BMP6: variants seen among roughly 807,000 people sequenced by gnomAD.
The protein encoded by BMP6 is bone morphogenetic protein 6.
Under a neutral mutation model 54.1 loss-of-function variants are expected in BMP6, and 17 were observed. The observed-to-expected ratio is 0.31, with a 90% CI of 0.22 to 0.47. The LOEUF (loss-of-function observed/expected upper bound fraction) is 0.47, where lower values mean the gene tolerates loss of function less well. Ranked by LOEUF, BMP6 falls within the 20% of genes least tolerant of loss-of-function variation. The pLI, the probability that BMP6 is intolerant of heterozygous loss-of-function variation, is 1.00. For missense variants in BMP6, 720 were observed against 690.4 expected, an observed-to-expected ratio of 1.04 and a Z score of -0.48; for synonymous variants, 328 against 291.2, an observed-to-expected ratio of 1.13 and a Z score of -1.28.
intron 1 of BMP6, among the ~76,000 whole-genome samples, chr6:7,765,132 G>A (rs1220921100): frequency 6.6e-6 from 1 of 152,130 alleles, no homozygotes; most frequent in African/African-American, 2.4e-5. Context: ...GACCATTCCC[G>A]AGACTTGTAG....
At chr6:7,813,108 A>AAAATATATATATAT (rs1554122651) in intron 1 of BMP6, among the ~76,000 whole-genome samples, 2 of 21,498 alleles carry the variant, frequency 9.3e-5, no homozygotes, top group Non-Finnish European at 1.5e-4. Flanking sequence ...AAAAAAAAAA[A>AAAATATATATATAT]ATATATATAT....
intron 1 of BMP6, among the ~76,000 whole-genome samples, chr6:7,830,017 T>A (rs1758769802): frequency 6.6e-6 from 1 of 152,206 alleles, no homozygotes. Context: ...CCTTTTGATC[T>A]CACATCTTCA....
At chr6:7,735,294 T>C (rs1581225550) in intron 1 of BMP6, among the ~76,000 whole-genome samples, 1 of 152,240 alleles carries the variant, frequency 6.6e-6, no homozygotes, top group East Asian at 1.9e-4. Flanking sequence ...GAAAAAAAAT[T>C]CTGATTTGTG....
chr6:7,838,923 C>G (rs1205080492), intron 1 of BMP6, among the ~76,000 whole-genome samples: 1 of 117,708 alleles, frequency 8.5e-6, no homozygotes, highest in Non-Finnish European at 1.6e-5. Flanking sequence ...GCCTGGGTGA[C>G]AGAGCGAGAC....
chr6:7,773,790 C>A (rs1373070007), intron 1 of BMP6, among the ~76,000 whole-genome samples: 4 of 152,172 alleles, frequency 2.6e-5, no homozygotes, highest in Admixed American at 2.0e-4. Context: ...GATTTCCACG[C>A]GTTTACTACC....
At chr6:7,764,723 C>T (rs1018393765) in intron 1 of BMP6, among the ~76,000 whole-genome samples, 1 of 152,176 alleles carries the variant, frequency 6.6e-6, no homozygotes, top group African/African-American at 2.4e-5. Flanking sequence ...TCAAGACGTC[C>T]TCCCATCTCA....
intron 1 of BMP6, among the ~76,000 whole-genome samples, chr6:7,754,790 T>C (rs1561760652): frequency 6.6e-6 from 1 of 152,206 alleles, no homozygotes; most frequent in East Asian, 1.9e-4. Flanking sequence ...CGATCTCGGC[T>C]CACTGCAAGC....
intron 1 of BMP6, among the ~76,000 whole-genome samples, chr6:7,836,843 C>T (rs1258257793): frequency 1.3e-5 from 2 of 152,208 alleles, no homozygotes; most frequent in African/African-American, 4.8e-5. Flanking sequence ...AGGTTATATG[C>T]TTGCAACATG....
chr6:7,848,915 T>G (rs1460882442), intron 2 of BMP6, among the ~76,000 whole-genome samples: 1 of 152,214 alleles, frequency 6.6e-6, no homozygotes, highest in Non-Finnish European at 1.5e-5. Flanking sequence ...AGGCCTTCTC[T>G]TATATTTTCT....
chr6:7,803,265 A>C (rs1263732403), intron 1 of BMP6, among the ~76,000 whole-genome samples: 1 of 152,120 alleles, frequency 6.6e-6, no homozygotes, highest in Non-Finnish European at 1.5e-5. Flanking sequence ...CAGGTTGGGG[A>C]GGGAGGTGAC....
rs182308979 is a variant in BMP6, at chr6:7,876,479, T to C, written c.1205-2595T>C. The stretch of plus-strand genomic sequence containing the variant: ...TCCGAAATTCCTATTAGAAATTTGT[T>C]GGACTTTTCATTCTCTCTTCCATGT... On this transcript the variant is annotated intron_variant, in intron 4 of 6. Transcript: ENST00000283147. 3.0e-4 allele frequency among the ~76,000 whole-genome samples: 46 copies of C among 152,348 alleles called. No individual in the cohort carries two copies. The East Asian group carries it at 6.0e-3, about 20-fold the overall frequency.
chr6:7,859,685 C>A (rs996060466), intron 2 of BMP6, among the ~76,000 whole-genome samples: 4 of 152,062 alleles, frequency 2.6e-5, no homozygotes, highest in African/African-American at 9.7e-5. Flanking sequence ...CCGCACCCCC[C>A]GCAATCTCCC....
At chr6:7,864,010 GAAAAAAAA>G (rs5874117) in intron 4 of BMP6, among the ~76,000 whole-genome samples, 1 of 128,912 alleles carries the variant, frequency 7.8e-6, no homozygotes, top group Admixed American at 7.7e-5. Context: ...AGACTCCATC[GAAAAAAAA>G]AAAAAAAAAG....
chr6:7,753,714 T>C (rs1227725032), intron 1 of BMP6, among the ~76,000 whole-genome samples: 2 of 152,226 alleles, frequency 1.3e-5, no homozygotes, highest in African/African-American at 4.8e-5. Context: ...TCCATCACTC[T>C]GCTATACAGC....
chr6:7,834,613 G>A (rs182695592), intron 1 of BMP6, among the ~76,000 whole-genome samples: 130 of 152,042 alleles, frequency 8.6e-4, no homozygotes, highest in African/African-American at 3.0e-3. Flanking sequence ...GGAGGCTGAG[G>A]TAGGATCACT....
At chr6:7,830,305 T>G (rs989310791) in intron 1 of BMP6, among the ~76,000 whole-genome samples, 2 of 152,238 alleles carry the variant, frequency 1.3e-5, no homozygotes, top group Non-Finnish European at 1.5e-5. Context: ...GTGACTCCCC[T>G]GGATTAAACC....
intron 2 of BMP6, among the ~76,000 whole-genome samples, chr6:7,857,364 A>G (rs1759257936): frequency 6.6e-6 from 1 of 152,234 alleles, no homozygotes; most frequent in Non-Finnish European, 1.5e-5. Context: ...GAAGAGTAAC[A>G]CTGTTACATC....
chr6:7,870,595 C>T (rs1759508223), intron 4 of BMP6, among the ~76,000 whole-genome samples: 2 of 152,066 alleles, frequency 1.3e-5, no homozygotes, highest in Non-Finnish European at 2.9e-5. Flanking sequence ...TTAGGGGAAA[C>T]AGGCATGTCT....
At chr6:7,860,856 G>A (rs1362475139) in intron 2 of BMP6, among the ~76,000 whole-genome samples, 1 of 151,954 alleles carries the variant, frequency 6.6e-6, no homozygotes, top group Admixed American at 6.5e-5. Context: ...TTCAAAACAA[G>A]AAAAAATGAG....
Sources: allele counts gnomAD v4.1 joint callset (sites outside exome capture counted in the v4.1 genomes callset), GRCh38; gene constraint gnomAD v4.1.1; transcripts MANE v1.5; gene names NCBI Gene and HGNC (gene_info 2026-07-23, HGNC 2026-07-21).